Variants in PIK3CA observed in about 807,000 individuals in gnomAD.
PIK3CA encodes the protein phosphatidylinositol-4,5-bisphosphate 3-kinase catalytic subunit alpha.
In PIK3CA, 27 loss-of-function variants were observed where a neutral mutation model predicts 138.2. The observed-to-expected ratio is 0.20, with a 90% CI of 0.14 to 0.27. The LOEUF (loss-of-function observed/expected upper bound fraction) is 0.27. Ranked by LOEUF, PIK3CA falls within the 10% of genes least tolerant of loss-of-function variation. PIK3CA has a pLI of 1.00. For missense variants in PIK3CA, 544 were observed against 1,277.4 expected, an observed-to-expected ratio of 0.43 and a Z score of 8.75; for synonymous variants, 358 against 413.2, an observed-to-expected ratio of 0.87 and a Z score of 1.62.
chr3:179,201,801 T>G (rs1330178606), intron 4 of PIK3CA, among the ~76,000 whole-genome samples: 3 of 151,932 alleles, frequency 2.0e-5, no homozygotes, highest in African/African-American at 7.3e-5. Flanking sequence ...GAGACAGGTT[T>G]TGCACCATGT....
In PIK3CA at chr3:179,199,915, ATCTAC is replaced by A. The variant is rs777580464; in HGVS notation, c.562+21_562+25del. 1 of 1,389,536 alleles carries A rather than the reference ATCTAC, an allele frequency of 7.2e-7. No individual in the cohort carries two copies. The highest frequency in any genetic ancestry group is 1.7e-5 in the Admixed American group (1 of 59,588). The allele number at this position is 1,389,536 out of a possible 1,614,324, so 86.1% of individuals were successfully genotyped here. A position where few individuals can be genotyped will look rare whatever the true frequency, so the allele number is the denominator to read the frequency against. On this transcript the variant is annotated intron_variant, in intron 3 of 20. Transcript: ENST00000263967. ...TTAGATAAAGGTAAGAAAATGACTA[ATCTAC>A]TCTAATCATTACTATAGTGCAGTCT...
chr3:179,186,101 G>A (rs889149820), intron 1 of PIK3CA, among the ~76,000 whole-genome samples: 1 of 152,208 alleles, frequency 6.6e-6, no homozygotes, highest in African/African-American at 2.4e-5. Context: ...CCTAGGGGCT[G>A]CCAGCCACCA....
chr3:179,219,201 A>G lies in PIK3CA; in HGVS notation c.1670A>G (p.Tyr557Cys). The change falls in exon 11 of 21, where the codon TAT (tyrosine) becomes TGT (cysteine). Residue 557 changes from tyrosine to cysteine, a missense_variant. Coordinates refer to ENST00000263967, the MANE Select transcript of PIK3CA (RefSeq NM_006218.4). The surrounding 1 kb of genome is among the most constrained non-coding windows in gnomAD (Gnocchi z 4.2). ...EKDFLWSHRH[Y>C]CVTIPEILPK... ...ATTTTGTTTCTCCCACACAGACACT[A>G]TTGTGTAACTATCCCCGAAATTCTA... 3 of 1,587,956 alleles carry G rather than the reference A, an allele frequency of 1.9e-6. No individual in the cohort carries two copies. Among genetic ancestry groups the G allele is most frequent in the Non-Finnish European group, 2.6e-6 (3 of 1,156,758 alleles).
chr3:179,162,400 A>G (rs12495048), intron 1 of PIK3CA, among the ~76,000 whole-genome samples: 1 of 152,054 alleles, frequency 6.6e-6, no homozygotes, highest in Admixed American at 6.5e-5. Flanking sequence ...TGGTAGAGAC[A>G]GGGTTTCGCC....
chr3:179,157,312 T>C (rs1031086285), intron 1 of PIK3CA, among the ~76,000 whole-genome samples: 1 of 152,182 alleles, frequency 6.6e-6, no homozygotes, highest in Non-Finnish European at 1.5e-5. Context: ...TGTGTTCTTT[T>C]TTCTAACTAT....
chr3:179,233,092 C>T (rs564123594), intron 20 of PIK3CA, among the ~76,000 whole-genome samples: 11 of 152,200 alleles, frequency 7.2e-5, no homozygotes, highest in South Asian at 2.1e-4. Flanking sequence ...CTCCCAATCT[C>T]GGGTGATCCT....
intron 1 of PIK3CA, among the ~76,000 whole-genome samples, chr3:179,189,060 A>G (rs1005494884): frequency 3.9e-5 from 6 of 152,178 alleles, no homozygotes; most frequent in African/African-American, 9.6e-5. Context: ...AAAAATACAA[A>G]AAAGTTAGCT....
intron 9 of PIK3CA, among the ~76,000 whole-genome samples, chr3:179,213,006 G>GCCCCTAT (rs1173643347): frequency 2.6e-5 from 4 of 152,098 alleles, no homozygotes; most frequent in Non-Finnish European, 5.9e-5. Flanking sequence ...GAGATCAGTT[G>GCCCCTAT]CCCCTATCCC....
rs2108416623 is a variant in PIK3CA, at chr3:179,224,081, G to C, written c.2188G>C (p.Val730Leu). The change falls in exon 15 of 21, where the codon GTA (valine) becomes CTA (leucine). Residue 730 changes from valine to leucine, a missense_variant and splice_region_variant. This residue lies in a region of PIK3CA where 35 missense variants were observed against 49.4 expected (regional missense o/e 0.71). Transcript: ENST00000263967. ...KQEKKDETQK[V>L]QMKFLVEQMR... ...GTGACTATCCTTTTTTTTTAATCAG[G>C]TACAGATGAAGTTTTTAGTTGAGCA... 2 of 1,546,748 alleles carry C rather than the reference G, an allele frequency of 1.3e-6. No homozygotes were observed. The highest frequency in any genetic ancestry group is 1.8e-6 in the Non-Finnish European group (2 of 1,121,688).
rs559225807 is a variant in PIK3CA at position 179,225,903 on chromosome 3, G to A, written c.2417-59G>A. On this transcript the variant is annotated intron_variant, in intron 16 of 20. Transcript: ENST00000263967. ...TTTCATTTGAAAACCATGTGATGGCGTGATCCCCAAATTTGCATCTGTGGC... is the reference window on the plus strand; with the variant it reads ...TTTCATTTGAAAACCATGTGATGGCATGATCCCCAAATTTGCATCTGTGGC... 6.9e-5 allele frequency: 57 copies of A among 828,302 alleles called. 1 individual carries two copies. Among genetic ancestry groups the A allele is most frequent in the East Asian group, 5.5e-4 (22 of 40,198 alleles). The allele number at this position is 828,302 out of a possible 1,614,324, so 51.3% of individuals were successfully genotyped here.
intron 1 of PIK3CA, among the ~76,000 whole-genome samples, chr3:179,159,536 T>C (rs547069806): frequency 6.6e-6 from 1 of 152,316 alleles, no homozygotes; most frequent in Non-Finnish European, 1.5e-5. Context: ...ACAATAACAC[T>C]TCTGATACAT....
At position 179,236,825 on chromosome 3, in the gene PIK3CA, AT is replaced by A. The variant is rs1208283402; in HGVS notation, c.*2463del. 1 of 211,938 alleles carries A rather than the reference AT, an allele frequency of 4.7e-6. No homozygotes were observed. The highest frequency in any genetic ancestry group is 7.1e-5 in the East Asian group (1 of 14,068). The allele number at this position is 211,938 out of a possible 1,614,324, so 13.1% of individuals were successfully genotyped here. A position where few individuals can be genotyped will look rare whatever the true frequency, so the allele number is the denominator to read the frequency against. On this transcript the variant is annotated 3_prime_UTR_variant, in exon 21 of 21. Coordinates refer to ENST00000263967, the MANE Select transcript of PIK3CA (RefSeq NM_006218.4). ...AATGAGGCAAAGAACCAAACATTGA[AT>A]TAAATGCTACATGGGTGACTAAGAT...
At chr3:179,165,099 A>G (rs1265584339) in intron 1 of PIK3CA, among the ~76,000 whole-genome samples, 2 of 151,860 alleles carry the variant, frequency 1.3e-5, no homozygotes, top group African/African-American at 4.8e-5. Context: ...TACTTTCCAC[A>G]CTGCTGTAAA....
In PIK3CA at chr3:179,219,727, C is replaced by T. The variant is rs2108411291; in HGVS notation, c.1903C>T (p.Leu635=). ...DDKLSQYLIQ[L]VQVLKYEQYL... ...CAAACTTTCTCAGTATTTAATTCAG[C>T]TAGTACAGGTAAAATAATGTAAAAT... Residue 635 remains leucine, a synonymous_variant, in exon 12 of 21, where the codon CTA becomes TTA. Coordinates refer to ENST00000263967, the MANE Select transcript of PIK3CA (RefSeq NM_006218.4). This position sits in a 1 kb window ranked among gnomAD's most constrained non-coding sequence, Gnocchi z 4.2. 6.3e-7 allele frequency: 1 copy of T among 1,577,884 alleles called. No individual in the cohort carries two copies. The highest frequency in any genetic ancestry group is 8.7e-7 in the Non-Finnish European group (1 of 1,150,516).
chr3:179,172,150 A>G (rs949614367), intron 1 of PIK3CA, among the ~76,000 whole-genome samples: 1 of 152,144 alleles, frequency 6.6e-6, no homozygotes, highest in Non-Finnish European at 1.5e-5. Flanking sequence ...AAAAGTGATC[A>G]TCTCAATAGA....
intron 1 of PIK3CA, among the ~76,000 whole-genome samples, chr3:179,198,355 G>A (rs1724319876): frequency 6.6e-6 from 1 of 152,118 alleles, no homozygotes; most frequent in Non-Finnish European, 1.5e-5. Flanking sequence ...GATTGTTTCT[G>A]GCCTAAATTC....
At chr3:179,150,260 C>T (rs1303067590) in intron 1 of PIK3CA, among the ~76,000 whole-genome samples, 1 of 151,428 alleles carries the variant, frequency 6.6e-6, no homozygotes, top group Non-Finnish European at 1.5e-5. Context: ...AACTTCATAG[C>T]TTTTTTCAAA....
intron 1 of PIK3CA, among the ~76,000 whole-genome samples, chr3:179,155,703 G>C (rs144969728): frequency 0.011 from 1,655 of 152,204 alleles, 39 homozygotes; most frequent in African/African-American, 0.038. Flanking sequence ...ATGGATTCTG[G>C]TATCCACAGG....
rs751557352 is a variant in PIK3CA at position 179,210,527 on chromosome 3, T to A, written c.1501T>A (p.Ser501Thr). The change falls in exon 9 of 21, where the codon TCC becomes ACC. Residue 501 changes from serine to threonine, a missense_variant. This residue lies in a region of PIK3CA where 52 missense variants were observed against 83.4 expected (regional missense o/e 0.62). Transcript: ENST00000263967. ...VIEEHANWSV[S>T]REAGFSYSHA... ...TGAAGAGCATGCCAATTGGTCTGTA[T>A]CCCGAGAAGCAGGATTTAGCTATTC... The A allele has an allele frequency of 3.7e-6, 6 of 1,613,926 alleles. No homozygotes were observed. In the African/African-American group the frequency reaches 5.3e-5, roughly 14 times the overall value.
Sources: gnomAD v4.1 joint callset for allele counts (sites outside exome capture counted in the v4.1 genomes callset) on GRCh38, gnomAD v4.1.1 for gene constraint, gnomAD v4.1.1 regional missense constraint, Gnocchi (gnomAD v3.1) non-coding constraint, MANE v1.5 for transcripts, NCBI Gene and HGNC (gene_info 2026-07-23, HGNC 2026-07-21) for gene names.